Variants in NME7 observed in about 807,000 individuals in gnomAD.
The protein encoded by NME7 is NME/NM23 family member 7.
In NME7, 41 loss-of-function variants were observed where a neutral mutation model predicts 49.1. The ratio of observed to expected loss-of-function variants is 0.83; its 90% CI spans 0.65 to 1.08. NME7 has a LOEUF of 1.08. Ranked by LOEUF, NME7 falls within the 50% of genes least tolerant of loss-of-function variation. NME7 has a pLI of 0.00. For synonymous variants in NME7, 139 were observed against 150.6 expected (o/e 0.92, Z 0.56); for missense variants, 423 against 463.4 (o/e 0.91, Z 0.80).
At chr1:169,178,090 C>T (rs565944103) in intron 10 of NME7, among the ~76,000 whole-genome samples, 1 of 152,224 alleles carries the variant, frequency 6.6e-6, no homozygotes, top group South Asian at 2.1e-4. Context: ...CTGCCCGCCT[C>T]GGCCTCCCAA....
At chr1:169,183,931 T>C (rs748337380) in intron 10 of NME7, among the ~76,000 whole-genome samples, 2 of 152,174 alleles carry the variant, frequency 1.3e-5, no homozygotes, top group African/African-American at 2.4e-5. Context: ...CTTCTGAAAG[T>C]ATATTGTTTT....
At chr1:169,354,958 TTATATATAATATAATTATA>T in intron 1 of NME7, among the ~76,000 whole-genome samples, 1 of 45,702 alleles carries the variant, frequency 2.2e-5, no homozygotes, top group Non-Finnish European at 5.1e-5. Context: ...TTATATATGT[TTATATATAATATAATTATA>T]TATGTTTATA....
chr1:169,157,719 A>G (rs796671812), intron 11 of NME7, among the ~76,000 whole-genome samples: 1 of 152,302 alleles, frequency 6.6e-6, no homozygotes, highest in African/African-American at 2.4e-5. Flanking sequence ...TGATCCTTTC[A>G]AAGTTAAGAG....
intron 7 of NME7, among the ~76,000 whole-genome samples, chr1:169,251,317 T>C (rs923235730): frequency 6.6e-6 from 1 of 152,146 alleles, no homozygotes; most frequent in African/African-American, 2.4e-5. Flanking sequence ...TGGTTTCCAT[T>C]TGGAGTGGAA....
intron 1 of NME7, among the ~76,000 whole-genome samples, chr1:169,351,320 A>G (rs1003242312): frequency 4.6e-5 from 7 of 152,138 alleles, no homozygotes; most frequent in Admixed American, 4.6e-4. Context: ...CAGTGGGTCA[A>G]TGAAGAAATT....
At chr1:169,296,900 G>A (rs1650730315) in intron 6 of NME7, among the ~76,000 whole-genome samples, 3 of 151,898 alleles carry the variant, frequency 2.0e-5, no homozygotes, top group Admixed American at 2.0e-4. Context: ...CCAGGTCCAA[G>A]CCATCATCTC....
At chr1:169,246,896 T>C in intron 7 of NME7, 1 of 398,160 alleles carries the variant, frequency 2.5e-6, no homozygotes, top group South Asian at 1.9e-5. Flanking sequence ...ACAACACCTT[T>C]GTAGATATAC....
chr1:169,213,239 A>G (rs1350980734), intron 10 of NME7, among the ~76,000 whole-genome samples: 1 of 152,138 alleles, frequency 6.6e-6, no homozygotes, highest in African/African-American at 2.4e-5. Context: ...ATTTGTTGTG[A>G]CCACAGGCTC....
chr1:169,334,009 A>G (rs1264546169), intron 1 of NME7, among the ~76,000 whole-genome samples: 1 of 152,224 alleles, frequency 6.6e-6, no homozygotes, highest in Non-Finnish European at 1.5e-5. Context: ...AAATTACTTC[A>G]CAATAGGCAG....
intron 7 of NME7, chr1:169,287,080 A>AC: frequency 6.4e-6 from 3 of 467,636 alleles, no homozygotes; most frequent in Non-Finnish European, 7.5e-6. Context: ...CCTGAGCATG[A>AC]TCAGCAACTC....
At chr1:169,281,196 G>T (rs1571352123) in intron 7 of NME7, among the ~76,000 whole-genome samples, 1 of 152,002 alleles carries the variant, frequency 6.6e-6, no homozygotes. Context: ...GTATTCCTAG[G>T]TATTTTATTC....
At chr1:169,156,571 A>G (rs1406690562) in intron 11 of NME7, among the ~76,000 whole-genome samples, 8 of 152,238 alleles carry the variant, frequency 5.3e-5, no homozygotes, top group Non-Finnish European at 1.2e-4. Context: ...AAATGATTTT[A>G]TAAGTGCCTA....
intron 1 of NME7, among the ~76,000 whole-genome samples, chr1:169,338,491 A>G (rs1343157600): frequency 6.6e-6 from 1 of 152,216 alleles, no homozygotes; most frequent in Non-Finnish European, 1.5e-5. Flanking sequence ...CTGGTCAAAC[A>G]AGATGGAATC....
chr1:169,225,492 A>C (rs1342422256), intron 10 of NME7, among the ~76,000 whole-genome samples: 1 of 152,232 alleles, frequency 6.6e-6, no homozygotes, highest in Non-Finnish European at 1.5e-5. Context: ...GGCTAGAAGT[A>C]GGAATGGCTG....
chr1:169,200,473 T>C (rs1277084385), intron 10 of NME7, among the ~76,000 whole-genome samples: 2 of 152,096 alleles, frequency 1.3e-5, no homozygotes, highest in Non-Finnish European at 2.9e-5. Flanking sequence ...CTGAGGAGAC[T>C]GTCCCTCCCA....
intron 10 of NME7, among the ~76,000 whole-genome samples, chr1:169,199,866 G>T (rs1660499358): frequency 6.6e-6 from 1 of 152,064 alleles, no homozygotes; most frequent in South Asian, 2.1e-4. Context: ...TAGTGCAAAT[G>T]ATAAAACTGA....
intron 7 of NME7, among the ~76,000 whole-genome samples, chr1:169,255,021 T>C (rs1303779810): frequency 1.5e-5 from 2 of 134,294 alleles, no homozygotes; most frequent in Non-Finnish European, 3.4e-5. Flanking sequence ...GGTGTGGTGC[T>C]GAAAAAAATG....
intron 7 of NME7, among the ~76,000 whole-genome samples, chr1:169,251,179 G>A (rs1456868674): frequency 6.6e-6 from 1 of 151,508 alleles, no homozygotes; most frequent in Non-Finnish European, 1.5e-5. Flanking sequence ...TATAAATTTA[G>A]GAATATAATA....
At chr1:169,191,906 C>T (rs1296307859) in intron 10 of NME7, among the ~76,000 whole-genome samples, 1 of 152,070 alleles carries the variant, frequency 6.6e-6, no homozygotes, top group Non-Finnish European at 1.5e-5. Flanking sequence ...GGTCTGTGGT[C>T]CAGCTGCATC....
Sources: allele counts gnomAD v4.1 joint callset (sites outside exome capture counted in the v4.1 genomes callset), GRCh38; gene constraint gnomAD v4.1.1; transcripts MANE v1.5; gene names NCBI Gene and HGNC (gene_info 2026-07-23, HGNC 2026-07-21).